Variants in AFF3 observed in about 807,000 individuals in gnomAD.
The protein encoded by AFF3 is ALF transcription elongation factor 3, also known as AF4/FMR2 family member 3.
A neutral mutation model predicts 129.7 loss-of-function variants in AFF3; 32 were observed. The observed-to-expected ratio is 0.25, with a 90% CI of 0.19 to 0.33. AFF3 has a LOEUF of 0.33. AFF3 is among the 10% of genes least tolerant of loss of function. AFF3 has a pLI of 1.00. For synonymous variants in AFF3, 644 were observed against 635.4 expected (o/e 1.01, Z -0.20); for missense variants, 1,373 against 1,592.0 (o/e 0.86, Z 2.34).
intron 7 of AFF3, among the ~76,000 whole-genome samples, chr2:99,916,401 G>A (rs1389731221): frequency 3.9e-5 from 6 of 152,014 alleles, no homozygotes; most frequent in Non-Finnish European, 7.4e-5. Flanking sequence ...ATCAGAATTT[G>A]AGCCCTGGGA....
At chr2:99,752,622 A>T (rs980044331) in intron 8 of AFF3, among the ~76,000 whole-genome samples, 2 of 152,202 alleles carry the variant, frequency 1.3e-5, no homozygotes, top group African/African-American at 4.8e-5. Flanking sequence ...AAAATGCCAC[A>T]TGAAGGGGAC....
chr2:99,997,128 A>G (rs993249637), intron 7 of AFF3, among the ~76,000 whole-genome samples: 1 of 152,038 alleles, frequency 6.6e-6, no homozygotes, highest in African/African-American at 2.4e-5. Context: ...TGTCACGTGT[A>G]TGCTCACAAC....
chr2:99,568,638 C>A (rs948858029), intron 19 of AFF3, among the ~76,000 whole-genome samples: 4 of 152,162 alleles, frequency 2.6e-5, no homozygotes, highest in Non-Finnish European at 5.9e-5. Flanking sequence ...TTGAAATATT[C>A]ATTTGTCTAG....
chr2:99,718,267 G>A (rs887763756), intron 11 of AFF3, among the ~76,000 whole-genome samples: 1 of 152,176 alleles, frequency 6.6e-6, no homozygotes, highest in Admixed American at 6.5e-5. Context: ...AAATCGAGAT[G>A]TCAACACTAT....
intron 7 of AFF3, among the ~76,000 whole-genome samples, chr2:99,881,100 T>C (rs910335164): frequency 1.3e-5 from 2 of 152,192 alleles, no homozygotes; most frequent in East Asian, 1.9e-4. Flanking sequence ...GAATTCTTTA[T>C]AGAGTATAGG....
intron 8 of AFF3, among the ~76,000 whole-genome samples, chr2:99,781,310 C>G (rs116257729): frequency 6.6e-6 from 1 of 152,184 alleles, no homozygotes; most frequent in African/African-American, 2.4e-5. Flanking sequence ...ATTCTCTATT[C>G]CCTCACCTTG....
chr2:99,986,548 G>A (rs893370960), intron 7 of AFF3, among the ~76,000 whole-genome samples: 4 of 152,098 alleles, frequency 2.6e-5, no homozygotes, highest in African/African-American at 4.8e-5. Context: ...ATTTTCTATT[G>A]TGAACTGTAT....
chr2:99,778,930 G>A, intron 8 of AFF3, among the ~76,000 whole-genome samples: 1 of 149,428 alleles, frequency 6.7e-6, no homozygotes, highest in East Asian at 1.9e-4. Context: ...GTGTGTGTGT[G>A]TGGCGGGGTT....
chr2:100,126,131 C>T (rs2105572357), intron 2 of AFF3, among the ~76,000 whole-genome samples: 1 of 152,322 alleles, frequency 6.6e-6, no homozygotes. Flanking sequence ...GTGCTTATTG[C>T]ATGAGGCGAA....
At chr2:99,807,144 C>T (rs1035098225) in intron 8 of AFF3, among the ~76,000 whole-genome samples, 1 of 152,118 alleles carries the variant, frequency 6.6e-6, no homozygotes, top group Non-Finnish European at 1.5e-5. Flanking sequence ...TTCCCATGTT[C>T]ATGAATTGAA....
intron 13 of AFF3, among the ~76,000 whole-genome samples, chr2:99,605,184 C>T (rs770418731): frequency 5.9e-5 from 9 of 152,222 alleles, no homozygotes; most frequent in African/African-American, 9.7e-5. Flanking sequence ...TAATGTTTTC[C>T]TTTCTTAAAT....
At chr2:100,062,800 C>T (rs1442349356) in intron 4 of AFF3, among the ~76,000 whole-genome samples, 1 of 152,070 alleles carries the variant, frequency 6.6e-6, no homozygotes, top group Non-Finnish European at 1.5e-5. Flanking sequence ...GACAGGGAAA[C>T]GAAACATCAG....
intron 2 of AFF3, chr2:100,106,140 G>T: frequency 8.1e-7 from 1 of 1,234,632 alleles, no homozygotes; most frequent in Non-Finnish European, 1.0e-6. Context: ...AGAATGCTCA[G>T]CCTGGCTCCC....
At chr2:99,963,738 G>C (rs550146638) in intron 7 of AFF3, among the ~76,000 whole-genome samples, 2 of 151,864 alleles carry the variant, frequency 1.3e-5, no homozygotes, top group African/African-American at 4.8e-5. Context: ...GAAGAATGAG[G>C]AGTCAGAAAA....
chr2:99,645,874 C>T (rs574040737), intron 13 of AFF3, among the ~76,000 whole-genome samples: 46 of 152,124 alleles, frequency 3.0e-4, no homozygotes, highest in African/African-American at 1.1e-3. Flanking sequence ...ATAAATCAGG[C>T]GACTGGAGAA....
intron 7 of AFF3, among the ~76,000 whole-genome samples, chr2:99,992,996 C>T (rs1680495308): frequency 6.6e-6 from 1 of 152,188 alleles, no homozygotes; most frequent in Non-Finnish European, 1.5e-5. Context: ...TATGCCCTCC[C>T]CTTTCTGTTC....
chr2:100,075,754 G>T (rs566298815), intron 4 of AFF3, among the ~76,000 whole-genome samples: 2 of 152,286 alleles, frequency 1.3e-5, no homozygotes, highest in East Asian at 1.9e-4. Context: ...TTTATCTGAT[G>T]ATGTCTCAAG....
intron 4 of AFF3, among the ~76,000 whole-genome samples, chr2:100,042,744 G>A (rs1685540375): frequency 6.6e-6 from 1 of 152,198 alleles, no homozygotes; most frequent in Non-Finnish European, 1.5e-5. Flanking sequence ...AGCTCTCTGA[G>A]GTTTGAGAAT....
chr2:100,106,728 C>T (rs1237085581), intron 2 of AFF3: 1 of 985,882 alleles, frequency 1.0e-6, no homozygotes, highest in Non-Finnish European at 1.2e-6. Context: ...TCCTTCCCTT[C>T]CCACCACATC....
Sources: gnomAD v4.1 joint callset for allele counts (sites outside exome capture counted in the v4.1 genomes callset) on GRCh38, gnomAD v4.1.1 for gene constraint, MANE v1.5 for transcripts, NCBI Gene and HGNC (gene_info 2026-07-23, HGNC 2026-07-21) for gene names.